TBC1D1: variants seen among roughly 807,000 people sequenced by gnomAD.
TBC1D1 encodes the protein TBC1 (tre-2/USP6, BUB2, cdc16) domain family, member 1.
TBC1D1 carries 89 observed loss-of-function variants against 125.6 expected under a neutral mutation model. That is an observed-to-expected ratio of 0.71 (90% CI 0.60 to 0.85). The LOEUF is 0.85. Ranked by LOEUF, TBC1D1 falls within the 40% of genes least tolerant of loss-of-function variation. The probability of loss-of-function intolerance (pLI) is 0.00; values close to 1 mark genes in which losing one functional copy is unlikely to be tolerated. For missense variants in TBC1D1, 1,377 were observed against 1,469.2 expected, an observed-to-expected ratio of 0.94 and a Z score of 1.03; for synonymous variants, 565 against 564.1, an observed-to-expected ratio of 1.00 and a Z score of -0.02.
intron 14 of TBC1D1, among the ~76,000 whole-genome samples, chr4:38,100,647 A>G (rs1180907954): frequency 6.6e-6 from 1 of 152,192 alleles, no homozygotes; most frequent in Non-Finnish European, 1.5e-5. Context: ...CTGAGATAAA[A>G]TTACAGAAGG....
At chr4:38,008,550 C>T (rs1456645909) in intron 2 of TBC1D1, among the ~76,000 whole-genome samples, 1 of 152,098 alleles carries the variant, frequency 6.6e-6, no homozygotes, top group African/African-American at 2.4e-5. Context: ...GATCAAGACC[C>T]AAAGGACAGA....
In TBC1D1 at chr4:38,089,649, A is replaced by G. The variant is rs530413382; in HGVS notation, c.2051-283A>G. Among the ~76,000 whole-genome samples, 19 of 152,390 alleles carry G rather than the reference A, an allele frequency of 1.2e-4. No individual in the cohort carries two copies. The South Asian group carries it at 3.7e-3, about 30-fold the overall frequency. On this transcript the variant is annotated intron_variant, in intron 12 of 19. Transcript: ENST00000261439. ...GTAATTATCAATAATATAATTATTA[A>G]ATAACATTTTCAGAAGGAGATAAAA... is the stretch of plus-strand genomic sequence containing the variant.
At chr4:37,912,231 G>A (rs1449814611) in intron 2 of TBC1D1, among the ~76,000 whole-genome samples, 3 of 152,216 alleles carry the variant, frequency 2.0e-5, no homozygotes, top group African/African-American at 7.2e-5. Context: ...TGTATCTTCT[G>A]AAAGGACTCA....
chr4:38,031,593 C>A (rs1440312408), intron 7 of TBC1D1, among the ~76,000 whole-genome samples: 2 of 152,134 alleles, frequency 1.3e-5, no homozygotes, highest in African/African-American at 4.8e-5. Flanking sequence ...ATGCATCAAT[C>A]AGTGTTGGAA....
intron 2 of TBC1D1, among the ~76,000 whole-genome samples, chr4:37,994,446 T>G (rs1737314995): frequency 6.6e-6 from 1 of 152,142 alleles, no homozygotes; most frequent in Non-Finnish European, 1.5e-5. Flanking sequence ...TGCACCACTG[T>G]GTTGCCCAGG....
At chr4:38,032,445 A>T (rs1011643826) in intron 7 of TBC1D1, among the ~76,000 whole-genome samples, 1 of 152,188 alleles carries the variant, frequency 6.6e-6, no homozygotes, top group Non-Finnish European at 1.5e-5. Flanking sequence ...GTAATTTTTG[A>T]TGGCACAGTG....
intron 12 of TBC1D1, among the ~76,000 whole-genome samples, chr4:38,056,965 C>T (rs1444918828): frequency 6.6e-6 from 1 of 152,176 alleles, no homozygotes; most frequent in Non-Finnish European, 1.5e-5. Flanking sequence ...GTCAAGTGGA[C>T]AAACATGGCC....
chr4:38,027,078 G>C (rs956594687), intron 6 of TBC1D1, among the ~76,000 whole-genome samples: 1 of 152,190 alleles, frequency 6.6e-6, no homozygotes, highest in Non-Finnish European at 1.5e-5. Context: ...TTCTGATTAC[G>C]TGAGGTGTTT....
In TBC1D1 at chr4:38,014,697, C is replaced by T. The variant is rs767998057; in HGVS notation, c.606C>T (p.His202=). ...ACGAGTGCATCGAGAAGTTCAATCA[C>T]GTCAGCGGCAGCCGGGGGTCCGAGA... The change falls in exon 3 of 20, where the codon CAC becomes CAT. Residue 202 remains histidine (H), a synonymous_variant. Transcript: ENST00000261439. The surrounding 1 kb of genome is among the most constrained non-coding windows in gnomAD (Gnocchi z 5.1). 1 of 1,612,946 alleles carries T rather than the reference C, an allele frequency of 6.2e-7. No individual in the cohort carries two copies. Among genetic ancestry groups the T allele is most frequent in the Non-Finnish European group, 8.5e-7 (1 of 1,179,986 alleles).
At chr4:38,003,496 A>G (rs1739465304) in intron 2 of TBC1D1, among the ~76,000 whole-genome samples, 1 of 152,158 alleles carries the variant, frequency 6.6e-6, no homozygotes, top group African/African-American at 2.4e-5. Flanking sequence ...GATATTGTAG[A>G]AATTATTTTT....
chr4:38,097,668 G>A (rs1759596987), intron 14 of TBC1D1, among the ~76,000 whole-genome samples: 1 of 151,794 alleles, frequency 6.6e-6, no homozygotes, highest in Admixed American at 6.6e-5. Context: ...ACTAGAGACG[G>A]GTTTTCACTG....
intron 2 of TBC1D1, among the ~76,000 whole-genome samples, chr4:37,922,040 T>C (rs1217787965): frequency 2.0e-5 from 3 of 152,148 alleles, no homozygotes; most frequent in Non-Finnish European, 2.9e-5. Flanking sequence ...CCCAGCCTCT[T>C]TTCCTGTTTT....
At chr4:38,022,076 C>G (rs1377447050) in intron 6 of TBC1D1, among the ~76,000 whole-genome samples, 1 of 152,182 alleles carries the variant, frequency 6.6e-6, no homozygotes, top group African/African-American at 2.4e-5. Context: ...AAGATAAGAA[C>G]TAAGGAACTT....
At chr4:38,037,226 A>G (rs1212612824) in intron 8 of TBC1D1, among the ~76,000 whole-genome samples, 2 of 151,998 alleles carry the variant, frequency 1.3e-5, no homozygotes, top group African/African-American at 4.8e-5. Flanking sequence ...GACCAGCATA[A>G]TATTTTTATG....
intron 15 of TBC1D1, among the ~76,000 whole-genome samples, chr4:38,109,411 A>G (rs1213822483): frequency 2.0e-5 from 3 of 152,160 alleles, no homozygotes; most frequent in African/African-American, 4.8e-5. Context: ...GTGGGGTATG[A>G]TTTCCTTTCA....
chr4:38,090,945 T>C (rs566987255), intron 13 of TBC1D1, among the ~76,000 whole-genome samples: 5 of 152,366 alleles, frequency 3.3e-5, no homozygotes, highest in African/African-American at 1.2e-4. Flanking sequence ...TAAAATGACC[T>C]TGATGCTTGT....
At chr4:37,946,613 A>G (rs775463992) in intron 2 of TBC1D1, among the ~76,000 whole-genome samples, 9 of 152,192 alleles carry the variant, frequency 5.9e-5, no homozygotes, top group Admixed American at 1.3e-4. Flanking sequence ...AAGGGTCAAC[A>G]GTGGCCCAGG....
intron 12 of TBC1D1, among the ~76,000 whole-genome samples, chr4:38,067,480 C>G (rs1753941567): frequency 6.6e-6 from 1 of 152,164 alleles, no homozygotes; most frequent in Non-Finnish European, 1.5e-5. Context: ...CTTACTGGTA[C>G]CAGCCTTTCT....
Position 37,892,188 on chromosome 4 carries a change from T to A in TBC1D1, c.-94+840T>A, listed in dbSNP as rs536173268. Among the ~76,000 whole-genome samples, 50 of 152,304 alleles carry A rather than the reference T, an allele frequency of 3.3e-4. 1 individual carries two copies. The South Asian group carries it at 3.3e-3, about 10-fold the overall frequency. The stretch of plus-strand genomic sequence containing the variant: ...TAAAATCAGACTTTGAAAGAGCATT[T>A]AAAAATGACCTGGTTTAAATAGGTC... On this transcript the variant is annotated intron_variant, in intron 1 of 19. Transcript: ENST00000261439.
Sources: gnomAD v4.1 joint callset for allele counts (sites outside exome capture counted in the v4.1 genomes callset) on GRCh38, gnomAD v4.1.1 for gene constraint, Gnocchi (gnomAD v3.1) non-coding constraint, MANE v1.5 for transcripts, NCBI Gene and HGNC (gene_info 2026-07-23, HGNC 2026-07-21) for gene names.